The following NEK10 variants were observed in gnomAD, a reference collection of about 807,000 sequenced individuals.
NEK10 encodes the protein NIMA related kinase 10, also known as serine/threonine-protein kinase Nek10.
In NEK10, 122 loss-of-function variants were observed where a neutral mutation model predicts 159.8. That is an observed-to-expected ratio of 0.76 (90% confidence interval 0.66 to 0.89). The LOEUF (loss-of-function observed/expected upper bound fraction) is 0.89, where lower values mean the gene tolerates loss of function less well. NEK10 is among the 40% of genes least tolerant of loss of function. The probability of loss-of-function intolerance (pLI) is 0.00; values close to 1 mark genes in which losing one functional copy is unlikely to be tolerated. For synonymous variants in NEK10, 466 were observed against 457.1 expected (o/e 1.02, Z -0.25); for missense variants, 1,342 against 1,323.1 (o/e 1.01, Z -0.22).
intron 5 of NEK10, among the ~76,000 whole-genome samples, chr3:27,329,117 G>A (rs2046218378): frequency 6.6e-6 from 1 of 152,122 alleles, no homozygotes; most frequent in African/African-American, 2.4e-5. Flanking sequence ...TAGTGAATGA[G>A]TCTCATGAGA....
At chr3:27,273,729 T>C (rs920719116) in intron 22 of NEK10, among the ~76,000 whole-genome samples, 6 of 152,192 alleles carry the variant, frequency 3.9e-5, no homozygotes, top group African/African-American at 1.4e-4. Flanking sequence ...TGAGCACAAC[T>C]GTGAAACAGG....
intron 26 of NEK10, among the ~76,000 whole-genome samples, chr3:27,180,358 G>T (rs1040053115): frequency 6.9e-6 from 1 of 144,948 alleles, no homozygotes; most frequent in Non-Finnish European, 1.5e-5. Context: ...TCACACCACT[G>T]CACTCCATCC....
In NEK10 at chr3:27,284,912, T is replaced by C. The variant is rs2042462677; in HGVS notation, c.1839A>G (p.Gly613=). The change falls in exon 21 of 36, where the codon GGA becomes GGG. Residue 613 remains glycine, a synonymous_variant. Transcript: ENST00000691995. The stretch of plus-strand genomic sequence containing the variant: ...TTTCCTTCAAAGAACTGAAATGCTC[T>C]CCAAGCGGGGCTCCTTCTATCAGCT... ...VMELIEGAPL[G]EHFSSLKEKH... 1.2e-6 allele frequency: 2 copies of C among 1,604,200 alleles called. No homozygotes were observed. Among genetic ancestry groups the C allele is most frequent in the Admixed American group, 1.7e-5 (1 of 59,968 alleles).
chr3:27,228,025 C>T (rs1047908867), intron 23 of NEK10, among the ~76,000 whole-genome samples: 6 of 152,202 alleles, frequency 3.9e-5, no homozygotes, highest in African/African-American at 1.4e-4. Flanking sequence ...CAGGAAGAAA[C>T]TTGCAATAGT....
intron 26 of NEK10, among the ~76,000 whole-genome samples, chr3:27,178,630 A>G (rs999590992): frequency 6.6e-6 from 1 of 152,196 alleles, no homozygotes; most frequent in Non-Finnish European, 1.5e-5. Flanking sequence ...CACAAAGAAA[A>G]TTCAAACTAG....
chr3:27,231,542 A>G (rs578059547), intron 23 of NEK10, among the ~76,000 whole-genome samples: 16 of 152,108 alleles, frequency 1.1e-4, no homozygotes, highest in Admixed American at 5.9e-4. Flanking sequence ...TACAAAAGAT[A>G]AATGAAACAA....
intron 23 of NEK10, among the ~76,000 whole-genome samples, chr3:27,209,336 A>C (rs1430152365): frequency 2.6e-5 from 4 of 152,206 alleles, no homozygotes; most frequent in African/African-American, 9.6e-5. Context: ...GAAAGGCACA[A>C]AAAGAGCTAT....
intron 35 of NEK10, among the ~76,000 whole-genome samples, chr3:27,112,037 C>T (rs1321970200): frequency 6.6e-6 from 1 of 152,138 alleles, no homozygotes; most frequent in Non-Finnish European, 1.5e-5. Context: ...CCCTTTTTCC[C>T]AGAAGCCCAG....
Position 27,284,605 on chromosome 3 carries a change from C to T in NEK10, c.2011G>A (p.Val671Ile), listed in dbSNP as rs1233913000. The T allele has an allele frequency of 4.6e-6, 7 of 1,524,364 alleles. No homozygotes were observed. The highest frequency in any genetic ancestry group is 2.2e-5 in the East Asian group (1 of 44,512). The allele number at this position is 1,524,364 out of a possible 1,614,324, so 94.4% of individuals were successfully genotyped here. ...GTTTAAAAATCTTTATACTTACTAA[C>T]GGTTACTTTGTCCTTATCCCCCAAC... The part of the protein sequence containing the change: ...IMLGDKDKVT[V>I]TDFGLAKQKQ... Residue 671 changes from valine to isoleucine, a missense_variant, in exon 22 of 36, where the codon GTT (valine) becomes ATT (isoleucine). Transcript: ENST00000691995.
At chr3:27,231,690 A>C (rs1006313287) in intron 23 of NEK10, among the ~76,000 whole-genome samples, 4 of 151,986 alleles carry the variant, frequency 2.6e-5, no homozygotes, top group African/African-American at 9.7e-5. Flanking sequence ...AGAAATAAAA[A>C]AGATCATTCA....
rs139745321 is a variant in NEK10, at chr3:27,320,235, A to G, written c.447+1942T>C. On this transcript the variant is annotated intron_variant, in intron 6 of 35. Transcript: ENST00000691995. ...TCTGAGTTTTTTCCTTCAGAGGGCA[A>G]TACAATCAACCCTGTTCAATCCACC... is the stretch of plus-strand genomic sequence containing the variant. Among the ~76,000 whole-genome samples the G allele has an allele frequency of 1.9e-3, 295 of 152,318 alleles. 1 individual carries two copies. Among genetic ancestry groups the G allele is most frequent in the African/African-American group, 6.9e-3 (288 of 41,564 alleles).
chr3:27,134,884 A>C (rs547406195), intron 31 of NEK10, among the ~76,000 whole-genome samples: 1 of 152,320 alleles, frequency 6.6e-6, no homozygotes, highest in African/African-American at 2.4e-5. Flanking sequence ...TAAGAATAGA[A>C]TATTAATGTC....
intron 26 of NEK10, 125 bp downstream of exon 26, chr3:27,191,904 T>C: frequency 1.4e-6 from 1 of 694,228 alleles, no homozygotes; most frequent in Non-Finnish European, 2.5e-6. Context: ...TATGTAACTA[T>C]ACTACTGCAA....
At chr3:27,299,027 A>G (rs954546934) in intron 13 of NEK10, among the ~76,000 whole-genome samples, 3 of 152,222 alleles carry the variant, frequency 2.0e-5, no homozygotes, top group African/African-American at 7.2e-5. Flanking sequence ...CTGAAAAGAA[A>G]TTCAAGCCTG....
At chr3:27,136,103 A>ATT (rs775843715) in intron 31 of NEK10, among the ~76,000 whole-genome samples, 46 of 60,692 alleles carry the variant, frequency 7.6e-4, no homozygotes, top group Non-Finnish European at 1.0e-3. Context: ...TAGGAGATCG[A>ATT]TTTTTTTTTT....
At chr3:27,257,105 G>A (rs57720190) in intron 22 of NEK10, among the ~76,000 whole-genome samples, 12,858 of 151,968 alleles carry the variant, frequency 0.085, 1,792 homozygotes, top group African/African-American at 0.29. Context: ...TAGTAGAGAC[G>A]TGGTTTTACC....
rs1939129440 is a variant in NEK10, at chr3:27,107,657, G to T, written c.*3615C>A. Among the ~76,000 whole-genome samples the T allele has an allele frequency of 6.6e-6, 1 of 152,164 alleles. No individual in the cohort carries two copies. Among genetic ancestry groups the T allele is most frequent in the East Asian group, 1.9e-4 (1 of 5,184 alleles). On this transcript the variant is annotated 3_prime_UTR_variant, in exon 36 of 36. Coordinates refer to ENST00000691995, the MANE Select transcript of NEK10 (RefSeq NM_001394966.1). ...CAATGTCAATATTCGGAAGCATTAA[G>T]CTTCCCTTACGTTGGAGCCCTTCAT...
intron 10 of NEK10, among the ~76,000 whole-genome samples, chr3:27,308,597 G>T (rs1452123088): frequency 6.6e-6 from 1 of 152,100 alleles, no homozygotes; most frequent in African/African-American, 2.4e-5. Flanking sequence ...AAAATTCACA[G>T]GTAAGAATGA....
chr3:27,315,772 T>A (rs991540535), intron 6 of NEK10, among the ~76,000 whole-genome samples: 1 of 151,980 alleles, frequency 6.6e-6, no homozygotes, highest in African/African-American at 2.4e-5. Context: ...ACGAGATAAG[T>A]GTTAAAAGTA....
Sources: gnomAD v4.1 joint callset for allele counts (sites outside exome capture counted in the v4.1 genomes callset) on GRCh38, gnomAD v4.1.1 for gene constraint, MANE v1.5 for transcripts, NCBI Gene and HGNC (gene_info 2026-07-23, HGNC 2026-07-21) for gene names.